Variants in ST7 observed in about 807,000 individuals in gnomAD.
The protein encoded by ST7 is suppressor of tumorigenicity 7 protein.
ST7 carries 28 observed loss-of-function variants against 78.7 expected under a neutral mutation model. The ratio of observed to expected loss-of-function variants is 0.36; its 90% CI spans 0.26 to 0.49. The LOEUF (loss-of-function observed/expected upper bound fraction) is 0.49. ST7 is among the 20% of genes least tolerant of loss of function. The pLI is 0.99. For missense variants in ST7, 418 were observed against 696.0 expected (o/e 0.60, Z 4.49); for synonymous variants, 247 against 249.6 (o/e 0.99, Z 0.10).
chr7:116,990,425 A>AGTGTT (rs1794375416), intron 1 of ST7, among the ~76,000 whole-genome samples: 1 of 152,030 alleles, frequency 6.6e-6, no homozygotes, highest in Non-Finnish European at 1.5e-5. Context: ...CTAAGGGGTT[A>AGTGTT]GTGTTGTTTT....
chr7:117,199,312 C>G (rs535537159), intron 12 of ST7, among the ~76,000 whole-genome samples: 1 of 152,226 alleles, frequency 6.6e-6, no homozygotes, highest in African/African-American at 2.4e-5. Flanking sequence ...GCCTGGGTTG[C>G]TTATATCTCC....
chr7:117,042,590 G>A (rs548902874), intron 1 of ST7, among the ~76,000 whole-genome samples: 6 of 152,182 alleles, frequency 3.9e-5, no homozygotes, highest in African/African-American at 1.2e-4. Context: ...TTCCAAACAC[G>A]GTGGCATGAT....
intron 12 of ST7, among the ~76,000 whole-genome samples, chr7:117,207,193 G>A (rs1326065837): frequency 6.6e-6 from 1 of 151,470 alleles, no homozygotes; most frequent in African/African-American, 2.4e-5. Flanking sequence ...TGCCCAGGCT[G>A]GAGTGCAGTG....
intron 1 of ST7, chr7:117,098,630 A>G (rs892515710): frequency 3.5e-5 from 11 of 315,040 alleles, no homozygotes; most frequent in Non-Finnish European, 1.7e-5. Flanking sequence ...TATTTGTTGA[A>G]TGAGTGAACG....
intron 3 of ST7, among the ~76,000 whole-genome samples, chr7:117,126,535 A>C (rs1803863635): frequency 6.6e-6 from 1 of 151,918 alleles, no homozygotes. Flanking sequence ...CTAAGACATA[A>C]GCTATTATCT....
At chr7:116,994,985 G>C (rs1033695441) in intron 1 of ST7, among the ~76,000 whole-genome samples, 11 of 152,102 alleles carry the variant, frequency 7.2e-5, no homozygotes, top group Middle Eastern at 3.4e-3. Context: ...GCATGCCTCT[G>C]TATTCTGGTT....
Position 117,138,444 on chromosome 7 carries a change from C to T in ST7, c.875C>T (p.Thr292Ile), listed in dbSNP as rs1804983127. ...SQYEAQHRRD[T>I]NVLVYIKRRL... is the part of the protein sequence containing the mutation. ...ATATCTCCCTCTTCAGGACGAGACA[C>T]CAATGTCTTGGTGTACATCAAAAGA... The change falls in exon 9 of 16, where the codon ACC becomes ATC. Residue 292 changes from threonine to isoleucine, a missense_variant. This residue lies in a region of ST7 where 288 missense variants were observed against 537.1 expected (regional missense o/e 0.54). Coordinates refer to ENST00000323984, the MANE Select transcript of ST7 (RefSeq NM_001369598.1). 1.2e-6 allele frequency: 2 copies of T among 1,603,858 alleles called. No homozygotes were observed. Among genetic ancestry groups the T allele is most frequent in the Non-Finnish European group, 1.7e-6 (2 of 1,174,380 alleles).
intron 9 of ST7, among the ~76,000 whole-genome samples, chr7:117,144,633 C>CAA (rs535930435): frequency 6.4e-4 from 66 of 103,858 alleles, no homozygotes; most frequent in Middle Eastern, 5.4e-3. Flanking sequence ...ACCCTGTCTC[C>CAA]AAAAAAAAAA....
At chr7:117,090,284 A>G (rs527277216) in intron 1 of ST7, among the ~76,000 whole-genome samples, 17 of 152,048 alleles carry the variant, frequency 1.1e-4, no homozygotes, top group Non-Finnish European at 1.6e-4. Flanking sequence ...CACACGGCAA[A>G]GTCCCAGCCA....
chr7:117,012,282 A>AT (rs1486760418), intron 1 of ST7, among the ~76,000 whole-genome samples: 4 of 146,354 alleles, frequency 2.7e-5, no homozygotes, highest in Non-Finnish European at 4.6e-5. Context: ...AGTTTTTTGA[A>AT]ATTTTTTTTT....
chr7:117,120,746 T>C (rs538045415), intron 3 of ST7, among the ~76,000 whole-genome samples: 1 of 152,338 alleles, frequency 6.6e-6, no homozygotes, highest in East Asian at 1.9e-4. Flanking sequence ...TCAAATTACA[T>C]TGTAATTTTT....
chr7:116,991,822 G>A (rs1038873624), intron 1 of ST7, among the ~76,000 whole-genome samples: 3 of 152,204 alleles, frequency 2.0e-5, no homozygotes, highest in Non-Finnish European at 1.5e-5. Flanking sequence ...CTATGAGCCT[G>A]TAAAGTCAAA....
chr7:117,022,317 A>AT (rs1795963759), intron 1 of ST7, among the ~76,000 whole-genome samples: 1 of 152,210 alleles, frequency 6.6e-6, no homozygotes, highest in African/African-American at 2.4e-5. Context: ...TTTCTTGCTT[A>AT]TAGGTAGATT....
In ST7 at chr7:117,088,841, A is replaced by G. The variant is rs542408984; in HGVS notation, c.152-10921A>G. Among the ~76,000 whole-genome samples the G allele has an allele frequency of 7.9e-5, 12 of 152,332 alleles. No homozygotes were observed. The South Asian group carries it at 2.3e-3, about 29-fold the overall frequency. On this transcript the variant is annotated intron_variant, in intron 1 of 15. Transcript: ENST00000323984. The stretch of plus-strand genomic sequence containing the variant: ...TTATACCACTCACTCCAGCCACCCC[A>G]TAAGAGCATGTAATAGCTCTCTACA...
At chr7:117,036,025 G>A (rs149149670) in intron 1 of ST7, among the ~76,000 whole-genome samples, 86 of 152,286 alleles carry the variant, frequency 5.6e-4, no homozygotes, top group African/African-American at 1.9e-3. Flanking sequence ...GGATATTAGC[G>A]TTATAAGCCT....
intron 1 of ST7, among the ~76,000 whole-genome samples, chr7:116,981,751 G>A (rs1181213735): frequency 6.6e-6 from 1 of 152,108 alleles, no homozygotes; most frequent in African/African-American, 2.4e-5. Context: ...GAGCTAAGTA[G>A]GAGTACACTC....
intron 12 of ST7, among the ~76,000 whole-genome samples, chr7:117,208,905 GTGTGT>G (rs879724998): frequency 0.026 from 399 of 15,402 alleles, 1 homozygote; most frequent in African/African-American, 0.055. Flanking sequence ...ATGTGTGGGT[GTGTGT>G]GTGTGTGTGT....
chr7:117,035,996 T>C (rs1380323664), intron 1 of ST7, among the ~76,000 whole-genome samples: 1 of 152,232 alleles, frequency 6.6e-6, no homozygotes, highest in Non-Finnish European at 1.5e-5. Flanking sequence ...ATTTCACAAC[T>C]GATTCTGGAG....
intron 1 of ST7, among the ~76,000 whole-genome samples, chr7:116,963,755 C>G (rs1406027527): frequency 6.6e-6 from 1 of 151,676 alleles, no homozygotes; most frequent in Admixed American, 6.6e-5. Context: ...GCCTCAGCCT[C>G]CTGAGTAGCT....
Sources: allele counts gnomAD v4.1 joint callset (sites outside exome capture counted in the v4.1 genomes callset), GRCh38; gene constraint gnomAD v4.1.1; regional missense constraint gnomAD v4.1.1; transcripts MANE v1.5; gene names NCBI Gene and HGNC (gene_info 2026-07-23, HGNC 2026-07-21).